SPOCK3: variants seen among roughly 807,000 people sequenced by gnomAD.
The protein encoded by SPOCK3 is testican-3.
A neutral mutation model predicts 56.6 loss-of-function variants in SPOCK3; 30 were observed. The ratio of observed to expected loss-of-function variants is 0.53; its 90% CI spans 0.40 to 0.72. The LOEUF is 0.72. SPOCK3 is among the 30% of genes least tolerant of loss of function. The pLI is 0.00. For synonymous variants in SPOCK3, 196 were observed against 183.3 expected (o/e 1.07, Z -0.56); for missense variants, 527 against 530.0 (o/e 0.99, Z 0.06).
At chr4:167,163,113 A>G (rs1765458431) in intron 2 of SPOCK3, among the ~76,000 whole-genome samples, 1 of 150,390 alleles carries the variant, frequency 6.6e-6, no homozygotes, top group South Asian at 2.1e-4. Flanking sequence ...ATTTACATAC[A>G]ATTTTGTACT....
chr4:166,915,525 T>G (rs1346805592), intron 4 of SPOCK3, among the ~76,000 whole-genome samples: 1 of 152,182 alleles, frequency 6.6e-6, no homozygotes, highest in Non-Finnish European at 1.5e-5. Flanking sequence ...ATAAATTATA[T>G]ATACACGGAA....
intron 2 of SPOCK3, among the ~76,000 whole-genome samples, chr4:167,178,681 A>C (rs1731190467): frequency 6.6e-6 from 1 of 152,156 alleles, no homozygotes; most frequent in Non-Finnish European, 1.5e-5. Context: ...AGTTTTATTC[A>C]AAGAGATATG....
At chr4:167,108,192 G>A (rs963987207) in intron 2 of SPOCK3, among the ~76,000 whole-genome samples, 1 of 151,698 alleles carries the variant, frequency 6.6e-6, no homozygotes, top group Non-Finnish European at 1.5e-5. Context: ...GGAAACCCCC[G>A]TACACTGTTG....
At chr4:167,060,556 C>G (rs1004289506) in intron 3 of SPOCK3, among the ~76,000 whole-genome samples, 2 of 151,922 alleles carry the variant, frequency 1.3e-5, no homozygotes, top group Non-Finnish European at 2.9e-5. Flanking sequence ...TTTTTTGATA[C>G]AAAACTTTCT....
intron 6 of SPOCK3, among the ~76,000 whole-genome samples, chr4:166,867,016 T>C (rs1731920464): frequency 6.6e-6 from 1 of 152,082 alleles, no homozygotes. Flanking sequence ...AGACCATGAC[T>C]CTGGAGCTAC....
intron 4 of SPOCK3, among the ~76,000 whole-genome samples, chr4:166,980,049 A>G (rs1746396830): frequency 6.6e-6 from 1 of 152,150 alleles, no homozygotes; most frequent in South Asian, 2.1e-4. Context: ...ACTTCTATTT[A>G]GTTTTCCATG....
intron 2 of SPOCK3, among the ~76,000 whole-genome samples, chr4:167,221,549 T>C (rs975582967): frequency 1.3e-5 from 2 of 152,146 alleles, no homozygotes; most frequent in African/African-American, 4.8e-5. Flanking sequence ...AGTCACTTTA[T>C]TTGTGAAAGA....
At chr4:166,937,457 CT>C (rs1052020693) in intron 4 of SPOCK3, among the ~76,000 whole-genome samples, 1 of 148,512 alleles carries the variant, frequency 6.7e-6, no homozygotes, top group African/African-American at 2.5e-5. Flanking sequence ...ATAAACACTC[CT>C]TTTCCATACA....
chr4:166,850,094 T>G (rs1396091617), intron 6 of SPOCK3, among the ~76,000 whole-genome samples: 1 of 152,240 alleles, frequency 6.6e-6, no homozygotes, highest in Non-Finnish European at 1.5e-5. Flanking sequence ...TGCAGGGGTA[T>G]ATCCCAGAAG....
At chr4:167,213,454 A>ATTATTATAAT (rs1235055163) in intron 2 of SPOCK3, among the ~76,000 whole-genome samples, 1 of 152,190 alleles carries the variant, frequency 6.6e-6, no homozygotes, top group Non-Finnish European at 1.5e-5. Flanking sequence ...AGGTTATGTG[A>ATTATTATAAT]TATTATAAAA....
In SPOCK3 at chr4:167,119,302, G is replaced by T. The variant is rs148871910; in HGVS notation, c.190-56765C>A. Among the ~76,000 whole-genome samples, 5 of 152,264 alleles carry T rather than the reference G, an allele frequency of 3.3e-5. No individual in the cohort carries two copies. The East Asian group carries it at 7.7e-4, about 24-fold the overall frequency. On this transcript the variant is annotated intron_variant, in intron 2 of 10. Coordinates refer to ENST00000357545, the MANE Select transcript of SPOCK3 (RefSeq NM_001040159.2). Reference sequence around the variant, plus strand: ...GCATTTCAACAATCTCTCACATAGAGGGTGTGATCAGAGAGTAATCATATA... The same window carrying T: ...GCATTTCAACAATCTCTCACATAGATGGTGTGATCAGAGAGTAATCATATA...
chr4:167,125,316 T>C (rs902862433), intron 2 of SPOCK3, among the ~76,000 whole-genome samples: 4 of 150,314 alleles, frequency 2.7e-5, no homozygotes, highest in African/African-American at 7.3e-5. Context: ...TATAGCACTC[T>C]GTAAACGTTT....
chr4:166,844,656 A>T (rs1285806645), intron 6 of SPOCK3, among the ~76,000 whole-genome samples: 4 of 151,358 alleles, frequency 2.6e-5, no homozygotes, highest in Non-Finnish European at 4.4e-5. Context: ...CTCTTTCTTG[A>T]TATATGTATA....
At chr4:166,755,752 TTC>T (rs1400018129) in intron 7 of SPOCK3, among the ~76,000 whole-genome samples, 1 of 152,110 alleles carries the variant, frequency 6.6e-6, no homozygotes, top group African/African-American at 2.4e-5. Context: ...CTAAGTGCAA[TTC>T]TCTCAGATTT....
intron 6 of SPOCK3, among the ~76,000 whole-genome samples, chr4:166,865,784 CACAA>C (rs1379544211): frequency 6.6e-6 from 1 of 151,960 alleles, no homozygotes; most frequent in African/African-American, 2.4e-5. Context: ...TAAGAGAGGA[CACAA>C]ACAAATGGAA....
Position 166,927,956 on chromosome 4 carries a change from C to T in SPOCK3, c.351-15213G>A, listed in dbSNP as rs543983204. On this transcript the variant is annotated intron_variant, in intron 4 of 10. Coordinates refer to ENST00000357545, the MANE Select transcript of SPOCK3 (RefSeq NM_001040159.2). The stretch of plus-strand genomic sequence containing the variant: ...CACCTCACCAAAGATGATATGCATA[C>T]GGCAAATAAGCACATTGAAAGTTGA... 2.2e-4 allele frequency among the ~76,000 whole-genome samples: 34 copies of T among 152,238 alleles called. No homozygotes were observed. The South Asian group carries it at 2.5e-3, about 11-fold the overall frequency.
intron 3 of SPOCK3, among the ~76,000 whole-genome samples, chr4:167,047,013 A>T (rs1007404648): frequency 6.6e-6 from 1 of 152,172 alleles, no homozygotes; most frequent in South Asian, 2.1e-4. Context: ...TAGAGGACAT[A>T]CGGATATAAC....
intron 8 of SPOCK3, chr4:166,754,280 A>G: frequency 8.0e-7 from 1 of 1,254,706 alleles, no homozygotes; most frequent in Non-Finnish European, 1.0e-6. Context: ...ATGTAGTGGC[A>G]TTAATACAAA....
chr4:167,013,129 G>A (rs1045157572), intron 3 of SPOCK3, among the ~76,000 whole-genome samples: 4 of 151,852 alleles, frequency 2.6e-5, no homozygotes, highest in African/African-American at 9.7e-5. Context: ...CTACCTATTA[G>A]CAGATTTTGA....
Sources: allele counts gnomAD v4.1 joint callset (sites outside exome capture counted in the v4.1 genomes callset), GRCh38; gene constraint gnomAD v4.1.1; transcripts MANE v1.5; gene names NCBI Gene and HGNC (gene_info 2026-07-23, HGNC 2026-07-21).